The following CEP63 variants were observed in gnomAD, a reference collection of about 807,000 sequenced individuals.
CEP63 encodes centrosomal protein 63, also known as centrosomal protein of 63 kDa.
A neutral mutation model predicts 89.1 loss-of-function variants in CEP63; 84 were observed. The observed-to-expected ratio is 0.94, with a 90% CI of 0.79 to 1.13. The LOEUF (loss-of-function observed/expected upper bound fraction) is 1.13. Among genes scored for constraint, CEP63 ranks in the 50% most tolerant of loss-of-function variants. The pLI, the probability that CEP63 is intolerant of heterozygous loss-of-function variation, is 0.00. For missense variants in CEP63, 838 were observed against 813.3 expected (o/e 1.03, Z -0.37); for synonymous variants, 267 against 272.5 (o/e 0.98, Z 0.20).
the CEP63 span, among the ~76,000 whole-genome samples, chr3:134,743,067 G>A: frequency 6.6e-6 from 1 of 152,192 alleles, no homozygotes; most frequent in Non-Finnish European, 1.5e-5. Context: ...ATAACACCCA[G>A]GGCAGCTGCC....
At chr3:134,527,468 G>A (rs2108918463) in intron 3 of CEP63, among the ~76,000 whole-genome samples, 1 of 152,280 alleles carries the variant, frequency 6.6e-6, no homozygotes, top group South Asian at 2.1e-4. Context: ...GGTTCTGTCT[G>A]CAGTGGTGGT....
At chr3:134,637,098 C>T in the CEP63 span, among the ~76,000 whole-genome samples, 36 of 152,340 alleles carry the variant, frequency 2.4e-4, no homozygotes, top group African/African-American at 8.2e-4. Context: ...TACAATGTGG[C>T]CTCTGCAAAG....
the CEP63 span, among the ~76,000 whole-genome samples, chr3:134,602,928 T>C: frequency 6.6e-6 from 1 of 152,222 alleles, no homozygotes; most frequent in Non-Finnish European, 1.5e-5. Context: ...CTTAGGGATG[T>C]TGGAGACGAT....
At chr3:134,669,733 AT>A in the CEP63 span, among the ~76,000 whole-genome samples, 1 of 152,194 alleles carries the variant, frequency 6.6e-6, no homozygotes, top group African/African-American at 2.4e-5. Context: ...TTGAATCAAG[AT>A]TTTAAATAAA....
the CEP63 span, among the ~76,000 whole-genome samples, chr3:134,773,154 AT>A: frequency 1.3e-5 from 2 of 152,118 alleles, no homozygotes; most frequent in Non-Finnish European, 2.9e-5. Flanking sequence ...GTGGAGAATA[AT>A]GGCATCTCCT....
chr3:134,586,457 A>C (rs538207735), intron 10 of CEP63, among the ~76,000 whole-genome samples: 1 of 152,242 alleles, frequency 6.6e-6, no homozygotes, highest in Non-Finnish European at 1.5e-5. Flanking sequence ...TATGAAGCTT[A>C]GTTTGGCTGG....
chr3:134,530,109 G>A (rs1458539314), intron 3 of CEP63, among the ~76,000 whole-genome samples: 3 of 151,990 alleles, frequency 2.0e-5, no homozygotes, highest in Admixed American at 6.6e-5. Context: ...TCCTGACCTC[G>A]TGATCCGCCT....
the CEP63 span, among the ~76,000 whole-genome samples, chr3:134,660,456 C>T: frequency 5.3e-5 from 8 of 152,302 alleles, no homozygotes; most frequent in African/African-American, 1.2e-4. Context: ...GGTAAGGTCA[C>T]GTAGTTCAGA....
chr3:134,767,157 T>C, the CEP63 span, among the ~76,000 whole-genome samples: 3 of 152,194 alleles, frequency 2.0e-5, no homozygotes, highest in African/African-American at 7.2e-5. Context: ...TGTTGGCCTG[T>C]GCACATTGGA....
chr3:134,663,212 C>T, the CEP63 span, among the ~76,000 whole-genome samples: 4 of 152,200 alleles, frequency 2.6e-5, no homozygotes, highest in African/African-American at 4.8e-5. Flanking sequence ...AGGTCCACCC[C>T]GTGCTCATTG....
the CEP63 span, among the ~76,000 whole-genome samples, chr3:134,733,861 A>C: frequency 6.6e-6 from 1 of 150,872 alleles, no homozygotes; most frequent in East Asian, 1.9e-4. Context: ...AAGCTCTAGG[A>C]AACGCATGTA....
chr3:134,709,801 G>A, the CEP63 span, among the ~76,000 whole-genome samples: 1 of 152,182 alleles, frequency 6.6e-6, no homozygotes, highest in Admixed American at 6.5e-5. Flanking sequence ...CAGTTATTAT[G>A]AGTCACTTGA....
chr3:134,583,657 A>G (rs558814064), intron 10 of CEP63, among the ~76,000 whole-genome samples: 1 of 152,294 alleles, frequency 6.6e-6, no homozygotes, highest in African/African-American at 2.4e-5. Flanking sequence ...TGTCTTGGCT[A>G]TGAGGGCTCT....
the CEP63 span, among the ~76,000 whole-genome samples, chr3:134,634,544 T>G: frequency 3.3e-5 from 5 of 152,062 alleles, no homozygotes; most frequent in Non-Finnish European, 7.4e-5. Flanking sequence ...GGATGGAAAA[T>G]AAGCACATGA....
At chr3:134,628,727 C>A in the CEP63 span, among the ~76,000 whole-genome samples, 14 of 152,170 alleles carry the variant, frequency 9.2e-5, no homozygotes, top group Non-Finnish European at 1.5e-4. Flanking sequence ...TCATAATAAT[C>A]TTATGAGGCA....
chr3:134,717,358 C>A, the CEP63 span, among the ~76,000 whole-genome samples: 1 of 152,200 alleles, frequency 6.6e-6, no homozygotes, highest in East Asian at 1.9e-4. Flanking sequence ...GGTAGTGTTA[C>A]CCTGCTCCAC....
intron 1 of CEP63, among the ~76,000 whole-genome samples, chr3:134,489,245 G>C (rs1936819939): frequency 6.6e-6 from 1 of 151,948 alleles, no homozygotes; most frequent in African/African-American, 2.4e-5. Flanking sequence ...CCTGGTGGCT[G>C]CTTTTTGAAC....
the CEP63 span, among the ~76,000 whole-genome samples, chr3:134,771,553 A>G: frequency 5.3e-5 from 4 of 75,744 alleles, no homozygotes; most frequent in Non-Finnish European, 1.2e-4. Context: ...TTCCCAGATG[A>G]TGTCGATGTT....
chr3:134,729,676 T>C, the CEP63 span, among the ~76,000 whole-genome samples: 3 of 152,214 alleles, frequency 2.0e-5, no homozygotes, highest in Admixed American at 6.5e-5. Flanking sequence ...ATAGTCCCAT[T>C]TTATAAATGA....
Sources: gnomAD v4.1 joint callset for allele counts (sites outside exome capture counted in the v4.1 genomes callset) on GRCh38, gnomAD v4.1.1 for gene constraint, MANE v1.5 for transcripts, NCBI Gene and HGNC (gene_info 2026-07-23, HGNC 2026-07-21) for gene names.